ABCA9: variants seen among roughly 807,000 people sequenced by gnomAD.
ABCA9 encodes the protein ATP binding cassette subfamily A member 9.
Under a neutral mutation model 205.3 loss-of-function variants are expected in ABCA9, and 183 were observed. That is an observed-to-expected ratio of 0.89 (90% confidence interval 0.79 to 1.01). The LOEUF is 1.01. ABCA9 is among the 50% of genes least tolerant of loss of function. The probability of loss-of-function intolerance (pLI) is 0.00; values close to 1 mark genes in which losing one functional copy is unlikely to be tolerated. For missense variants in ABCA9, 1,805 were observed against 1,912.4 expected (o/e 0.94, Z 1.05); for synonymous variants, 651 against 683.3 (o/e 0.95, Z 0.74).
rs1212170913 is a variant in ABCA9, at chr17:69,026,829, C to A, written c.2050+147G>T. The A allele has an allele frequency of 6.6e-6, 6 of 911,304 alleles. No homozygotes were observed. In the African/African-American group the frequency reaches 1.0e-4, roughly 15 times the overall value. The allele number at this position is 911,304 out of a possible 1,614,324, so 56.5% of individuals were successfully genotyped here. ...ATTTCCATGGGGCCAAGTACTCTGG[C>A]ATGCAGACCCACAAATGAGTAAGAG... On this transcript the variant is annotated intron_variant, in intron 15 of 38. Transcript: ENST00000340001.
chr17:69,027,614 A>G (rs6501947), intron 13 of ABCA9, 26 bp downstream of exon 13: 1,098,902 of 1,601,128 alleles, frequency 0.69, 380,475 homozygotes, highest in African/African-American at 0.74. Flanking sequence ...TTTTATGGCT[A>G]TGTGACATCT....
At chr17:69,006,197 G>A (rs1423423437) in intron 25 of ABCA9, among the ~76,000 whole-genome samples, 1 of 152,102 alleles carries the variant, frequency 6.6e-6, no homozygotes, top group Non-Finnish European at 1.5e-5. Context: ...TCTGTGGGTG[G>A]TTCCACCTCT....
chr17:69,001,336 A>G (rs560219010), intron 25 of ABCA9, among the ~76,000 whole-genome samples: 1 of 152,066 alleles, frequency 6.6e-6, no homozygotes, highest in Non-Finnish European at 1.5e-5. Flanking sequence ...AAGGTTGTTG[A>G]ATTTTGTCAA....
At chr17:68,992,427 A>G (rs2069481646) in intron 27 of ABCA9, 161 bp from the exon 28 acceptor site, 1 of 498,136 alleles carries the variant, frequency 2.0e-6, no homozygotes, top group Non-Finnish European at 3.6e-6. Flanking sequence ...AAACTGTCAA[A>G]GTTAGCCTCA....
Position 68,984,042 on chromosome 17 carries a change from G to T in ABCA9, c.4499+14C>A. 2 of 1,614,028 alleles carry T rather than the reference G, an allele frequency of 1.2e-6. No individual in the cohort carries two copies. The highest frequency in any genetic ancestry group is 1.7e-6 in the Non-Finnish European group (2 of 1,179,954). On this transcript the variant is annotated intron_variant, in intron 35 of 38. Transcript: ENST00000340001. ...CAACCTAGGGGCTGAGCGCCGGCTTGGACAGGCACTCACCTCAGCCTTCCT... is the reference window on the plus strand; with the variant it reads ...CAACCTAGGGGCTGAGCGCCGGCTTTGACAGGCACTCACCTCAGCCTTCCT...
the ABCA9 span, among the ~76,000 whole-genome samples, chr17:69,075,692 T>G: frequency 6.6e-6 from 1 of 152,160 alleles, no homozygotes; most frequent in Non-Finnish European, 1.5e-5. Flanking sequence ...CCAGCTTTGT[T>G]CTTTTTGCTT....
At chr17:68,990,744 C>A in intron 29 of ABCA9, 93 bp downstream of exon 29, 14 of 1,490,132 alleles carry the variant, frequency 9.4e-6, no homozygotes, top group Non-Finnish European at 1.3e-5. Flanking sequence ...AATGAAAGAA[C>A]CCCAAGTGTT....
intron 23 of ABCA9, among the ~76,000 whole-genome samples, chr17:69,010,598 G>A (rs190518750): frequency 3.3e-5 from 5 of 152,280 alleles, no homozygotes; most frequent in Admixed American, 2.0e-4. Context: ...AAGGTAATGA[G>A]ATGATCTAAT....
At chr17:69,067,324 A>C in the ABCA9 span, among the ~76,000 whole-genome samples, 1 of 152,038 alleles carries the variant, frequency 6.6e-6, no homozygotes, top group Non-Finnish European at 1.5e-5. Context: ...AGGTGGGAGG[A>C]TCTCTCGAGT....
intron 32 of ABCA9, 85 bp from the exon 33 acceptor site, chr17:68,985,213 TG>T (rs1384075042): frequency 1.3e-6 from 2 of 1,564,066 alleles, no homozygotes; most frequent in Non-Finnish European, 8.8e-7. Context: ...AACACGACGG[TG>T]GGGGAGGTGT....
intron 31 of ABCA9, among the ~76,000 whole-genome samples, chr17:68,987,089 T>TA (rs143320950): frequency 8.3e-4 from 127 of 152,374 alleles, no homozygotes; most frequent in African/African-American, 2.9e-3. Flanking sequence ...GCATATAATA[T>TA]ATTTTTAATT....
At chr17:69,032,399 A>C in intron 9 of ABCA9, 123 bp from the exon 10 acceptor site, 2 of 869,046 alleles carry the variant, frequency 2.3e-6, no homozygotes, top group East Asian at 2.7e-5. Context: ...GGTCTGTATT[A>C]ATTACTGTTT....
At chr17:69,068,207 T>C in the ABCA9 span, among the ~76,000 whole-genome samples, 1 of 152,210 alleles carries the variant, frequency 6.6e-6, no homozygotes, top group Non-Finnish European at 1.5e-5. Context: ...AATTATTGTT[T>C]CCAATATACA....
intron 20 of ABCA9, 111 bp downstream of exon 20, chr17:69,018,302 A>G: frequency 1.0e-6 from 1 of 996,182 alleles, no homozygotes; most frequent in Non-Finnish European, 1.4e-6. Context: ...GGCCTCATAT[A>G]TGCTTTCTAA....
At chr17:69,072,785 A>G in the ABCA9 span, among the ~76,000 whole-genome samples, 63 of 152,358 alleles carry the variant, frequency 4.1e-4, 1 homozygote, top group South Asian at 0.012. Context: ...AATGCCCCCA[A>G]TTAAGAGACA....
chr17:69,017,922 T>C (rs2070679663), intron 20 of ABCA9, 133 bp from the exon 21 acceptor site: 1 of 978,976 alleles, frequency 1.0e-6, no homozygotes, highest in Non-Finnish European at 1.5e-6. Context: ...AAAAGCAGAA[T>C]TGATGTTCTG....
intron 25 of ABCA9, among the ~76,000 whole-genome samples, chr17:69,001,387 G>A (rs2144116152): frequency 6.6e-6 from 1 of 151,304 alleles, no homozygotes; most frequent in African/African-American, 2.4e-5. Flanking sequence ...TGTGGTTTTT[G>A]TCTTTGGCTC....
intron 37 of ABCA9, 103 bp downstream of exon 37, chr17:68,982,459 T>A (rs991251922): frequency 1.1e-6 from 1 of 886,496 alleles, no homozygotes; most frequent in Non-Finnish European, 1.8e-6. Context: ...ATTAATGATA[T>A]AACAGCATAA....
intron 22 of ABCA9, among the ~76,000 whole-genome samples, chr17:69,013,903 C>T (rs1443808250): frequency 6.6e-6 from 1 of 152,058 alleles, no homozygotes; most frequent in Non-Finnish European, 1.5e-5. Flanking sequence ...GGTGGGGAAA[C>T]CAGAGGTGGC....
Sources: allele counts gnomAD v4.1 joint callset (sites outside exome capture counted in the v4.1 genomes callset), GRCh38; gene constraint gnomAD v4.1.1; transcripts MANE v1.5; gene names NCBI Gene and HGNC (gene_info 2026-07-23, HGNC 2026-07-21).